SASS6: variants seen among roughly 807,000 people sequenced by gnomAD.
The protein encoded by SASS6 is spindle assembly abnormal protein 6 homolog.
A neutral mutation model predicts 94.9 loss-of-function variants in SASS6; 59 were observed. The ratio of observed to expected loss-of-function variants is 0.62; its 90% CI spans 0.50 to 0.77. The LOEUF is 0.77. Among genes scored for constraint, SASS6 ranks in the 30% least tolerant of loss-of-function variants. The pLI, the probability that SASS6 is intolerant of heterozygous loss-of-function variation, is 0.00. For missense variants in SASS6, 698 were observed against 734.1 expected, an observed-to-expected ratio of 0.95 and a Z score of 0.57; for synonymous variants, 264 against 270.0, an observed-to-expected ratio of 0.98 and a Z score of 0.22.
intron 8 of SASS6, among the ~76,000 whole-genome samples, chr1:100,108,603 A>G (rs1320574943): frequency 3.9e-5 from 6 of 152,114 alleles, no homozygotes; most frequent in Non-Finnish European, 8.8e-5. Flanking sequence ...GGTATATGAA[A>G]GCCCAGGATA....
chr1:100,111,297 TAATG>T (rs918903269), intron 7 of SASS6, among the ~76,000 whole-genome samples: 7 of 152,150 alleles, frequency 4.6e-5, no homozygotes, highest in African/African-American at 1.4e-4. Flanking sequence ...ATATTAAATT[TAATG>T]AATGAATATC....
At chr1:100,132,103 A>G (rs1655084157) in intron 1 of SASS6, among the ~76,000 whole-genome samples, 1 of 152,054 alleles carries the variant, frequency 6.6e-6, no homozygotes, top group Non-Finnish European at 1.5e-5. Context: ...GTGATTGTAA[A>G]CTCCATGAAG....
At chr1:100,129,092 G>A (rs1654831323) in intron 1 of SASS6, among the ~76,000 whole-genome samples, 1 of 151,956 alleles carries the variant, frequency 6.6e-6, no homozygotes. Flanking sequence ...TTTATAAAAT[G>A]AGCCAGGCAT....
At chr1:100,103,149 G>A in intron 13 of SASS6, 66 bp from the exon 14 acceptor site, 1 of 1,029,856 alleles carries the variant, frequency 9.7e-7, no homozygotes, top group Non-Finnish European at 1.4e-6. Context: ...TTGTTGATCA[G>A]GTGGCATTAG....
intron 13 of SASS6, 84 bp downstream of exon 13, chr1:100,105,683 A>G (rs1001358197): frequency 2.8e-5 from 39 of 1,368,620 alleles, no homozygotes; most frequent in Non-Finnish European, 3.9e-5. Flanking sequence ...AGCACCTTAA[A>G]TCATGGAAAC....
rs758166953 is a variant in SASS6, at chr1:100,085,519, C to T, written c.1867+17G>A. 7 of 1,599,706 alleles carry T rather than the reference C, an allele frequency of 4.4e-6. 1 individual carries two copies. The South Asian group carries it at 7.7e-5, about 18-fold the overall frequency. On this transcript the variant is annotated intron_variant, in intron 16 of 16. Transcript: ENST00000287482. ...AATTCAACTATAAAGTACAAAAATC[C>T]AGAAATCCCTGCTTACCTGAATTAC... is the stretch of plus-strand genomic sequence containing the variant.
In SASS6 at chr1:100,106,904, A is replaced by G. The variant is rs906707263; in HGVS notation, c.1408+8T>C. On this transcript the variant is annotated splice_region_variant and intron_variant, in intron 12 of 16. Coordinates refer to ENST00000287482, the MANE Select transcript of SASS6 (RefSeq NM_194292.3). ...AACCTCATTTACATTAACACGTAAC[A>G]TACTTACACTTTTCATTATTTTTTA... is the stretch of plus-strand genomic sequence containing the variant. The G allele has an allele frequency of 9.8e-6, 11 of 1,118,680 alleles. No homozygotes were observed. Among genetic ancestry groups the G allele is most frequent in the Non-Finnish European group, 1.5e-5 (11 of 739,898 alleles). 69.3% of individuals were successfully genotyped at this position (1,118,680 alleles called of 1,614,324 possible).
intron 4 of SASS6, 61 bp downstream of exon 4, chr1:100,122,319 G>A (rs1654251370): frequency 1.3e-6 from 1 of 750,476 alleles, no homozygotes; most frequent in Non-Finnish European, 2.2e-6. Flanking sequence ...ATCAACTTGT[G>A]TTTCAAAGAA....
intron 1 of SASS6, among the ~76,000 whole-genome samples, chr1:100,126,644 G>A (rs1285643551): frequency 6.6e-6 from 1 of 152,112 alleles, no homozygotes; most frequent in Non-Finnish European, 1.5e-5. Context: ...AGGCGTGGTG[G>A]CACCCACCTG....
chr1:100,102,799 T>C (rs78540226), intron 14 of SASS6, among the ~76,000 whole-genome samples, 156 bp downstream of exon 14: 1,634 of 152,072 alleles, frequency 0.011, 28 homozygotes, highest in African/African-American at 0.038. Context: ...CCTGTACACA[T>C]AGATACTAGA....
chr1:100,087,832 G>A (rs1341843691), intron 15 of SASS6, among the ~76,000 whole-genome samples: 5 of 152,116 alleles, frequency 3.3e-5, no homozygotes, highest in Non-Finnish European at 1.5e-5. Context: ...CTATGAATAT[G>A]TCTGAGAATA....
Position 100,085,404 on chromosome 1 carries a change from A to G in SASS6, c.1898T>C (p.Leu633Ser), listed in dbSNP as rs368134006. ...DHQRDGTLGA[L>S]HTSSKPTALP... ...CGCTGTGGGTTTGGAAGATGTATGTAATGCTCCTAAAGTGCCATCTCTCTG... is the reference window on the plus strand; with the variant it reads ...CGCTGTGGGTTTGGAAGATGTATGTGATGCTCCTAAAGTGCCATCTCTCTG... The change falls in exon 17 of 17, where the codon TTA becomes TCA. Residue 633 changes from leucine to serine, a missense_variant. Transcript: ENST00000287482. 4 of 1,613,476 alleles carry G rather than the reference A, an allele frequency of 2.5e-6. No individual in the cohort carries two copies. Among genetic ancestry groups the G allele is most frequent in the Non-Finnish European group, 2.5e-6 (3 of 1,179,430 alleles).
intron 14 of SASS6, among the ~76,000 whole-genome samples, chr1:100,100,299 CAGTTT>C (rs1172746409): frequency 6.6e-6 from 1 of 152,046 alleles, no homozygotes; most frequent in Non-Finnish European, 1.5e-5. Flanking sequence ...AATGAATAAA[CAGTTT>C]AGTTTGAAAG....
chr1:100,115,803 G>A (rs1170057701), intron 7 of SASS6, among the ~76,000 whole-genome samples: 1 of 152,106 alleles, frequency 6.6e-6, no homozygotes, highest in African/African-American at 2.4e-5. Flanking sequence ...CTGGGCAACA[G>A]AGCAAGACCC....
At chr1:100,116,692 T>C (rs370471918) in intron 7 of SASS6, among the ~76,000 whole-genome samples, 18 of 152,176 alleles carry the variant, frequency 1.2e-4, no homozygotes, top group African/African-American at 2.9e-4. Flanking sequence ...AAGGAAACAA[T>C]AGAAAATAGG....
intron 14 of SASS6, among the ~76,000 whole-genome samples, chr1:100,091,631 A>T (rs1327649672): frequency 4.6e-5 from 5 of 107,652 alleles, no homozygotes; most frequent in East Asian, 2.1e-4. Context: ...AAGTCTCATT[A>T]AAAAAAAAAA....
chr1:100,102,716 G>C (rs1290613648), intron 14 of SASS6, among the ~76,000 whole-genome samples: 1 of 147,188 alleles, frequency 6.8e-6, no homozygotes, highest in Non-Finnish European at 1.5e-5. Context: ...GTAGAAATAA[G>C]TGAGGTTTAA....
At chr1:100,131,184 TTTTC>T (rs548438139) in intron 1 of SASS6, among the ~76,000 whole-genome samples, 342 of 152,008 alleles carry the variant, frequency 2.2e-3, no homozygotes, top group African/African-American at 7.7e-3. Context: ...ATTTTAATTT[TTTTC>T]TTTTTCTTTT....
Position 100,083,850 on chromosome 1 carries a change from C to A in SASS6, c.*1478G>T, listed in dbSNP as rs1027647377. The A allele has an allele frequency of 1.3e-4, 20 of 151,958 alleles. No individual in the cohort carries two copies. Among genetic ancestry groups the A allele is most frequent in the African/African-American group, 4.8e-4 (20 of 41,400 alleles). 9.4% of individuals were successfully genotyped at this position (151,958 alleles called of 1,614,324 possible). A position where few individuals can be genotyped will look rare whatever the true frequency, so the allele number is the denominator to read the frequency against. On this transcript the variant is annotated 3_prime_UTR_variant, in exon 17 of 17. Transcript: ENST00000287482. ...AAAAGAGAGCTACCTGTATGTCATG[C>A]ATCCCATCCAAAACATGTCACAATA... is the stretch of plus-strand genomic sequence containing the variant.
Sources: allele counts gnomAD v4.1 joint callset (sites outside exome capture counted in the v4.1 genomes callset), GRCh38; gene constraint gnomAD v4.1.1; transcripts MANE v1.5; gene names NCBI Gene and HGNC (gene_info 2026-07-23, HGNC 2026-07-21).